The following LHFPL3 variants were observed in gnomAD, a reference collection of about 807,000 sequenced individuals.
LHFPL3 encodes the protein LHFPL tetraspan subfamily member 3, also known as LHFPL tetraspan subfamily member 3 protein.
Under a neutral mutation model 19.3 loss-of-function variants are expected in LHFPL3, and 5 were observed. The ratio of observed to expected loss-of-function variants is 0.26; its 90% CI spans 0.14 to 0.54. LHFPL3 has a LOEUF of 0.54. Among genes scored for constraint, LHFPL3 ranks in the 20% least tolerant of loss-of-function variants. The probability of loss-of-function intolerance (pLI) is 0.94; values close to 1 mark genes in which losing one functional copy is unlikely to be tolerated. For synonymous variants in LHFPL3, 133 were observed against 126.2 expected, an observed-to-expected ratio of 1.05 and a Z score of -0.36; for missense variants, 249 against 307.4, an observed-to-expected ratio of 0.81 and a Z score of 1.42.
At chr7:104,647,018 T>C (rs1441598064) in intron 1 of LHFPL3, among the ~76,000 whole-genome samples, 1 of 152,170 alleles carries the variant, frequency 6.6e-6, no homozygotes, top group African/African-American at 2.4e-5. Context: ...ATGTATCCCA[T>C]CCTATGCCCA....
chr7:104,476,043 A>G (rs1261832110), intron 1 of LHFPL3, among the ~76,000 whole-genome samples: 1 of 152,148 alleles, frequency 6.6e-6, no homozygotes, highest in Non-Finnish European at 1.5e-5. Context: ...GAACTTAGAG[A>G]AACTGGAGTA....
intron 1 of LHFPL3, among the ~76,000 whole-genome samples, chr7:104,526,460 A>G (rs966361854): frequency 3.3e-5 from 5 of 152,230 alleles, no homozygotes; most frequent in Non-Finnish European, 7.3e-5. Context: ...TGTAGTTACA[A>G]ATGGCAAATT....
At chr7:104,838,949 G>T (rs937521352) in intron 2 of LHFPL3, among the ~76,000 whole-genome samples, 1 of 152,180 alleles carries the variant, frequency 6.6e-6, no homozygotes, top group African/African-American at 2.4e-5. Context: ...AAACAATGCT[G>T]TAAGAGCCCA....
At chr7:104,438,487 T>C (rs1401407372) in intron 1 of LHFPL3, among the ~76,000 whole-genome samples, 20 of 152,242 alleles carry the variant, frequency 1.3e-4, no homozygotes, top group Non-Finnish European at 4.4e-5. Flanking sequence ...TTTATGAATT[T>C]TGTTATTGAG....
intron 1 of LHFPL3, among the ~76,000 whole-genome samples, chr7:104,390,318 C>G (rs1400421852): frequency 6.6e-6 from 1 of 151,918 alleles, no homozygotes; most frequent in African/African-American, 2.4e-5. Context: ...GGTATATCTC[C>G]TAATGCTATC....
intron 1 of LHFPL3, among the ~76,000 whole-genome samples, chr7:104,388,292 G>A (rs1435115769): frequency 6.6e-6 from 1 of 151,988 alleles, no homozygotes; most frequent in Non-Finnish European, 1.5e-5. Context: ...TATTCCTTTG[G>A]GTGTATACCC....
chr7:104,854,891 G>A lies in LHFPL3; in HGVS notation c.683-51296G>A, dbSNP rs535209429. On this transcript the variant is annotated intron_variant, in intron 2 of 2. Coordinates refer to ENST00000424859, the MANE Select transcript of LHFPL3 (RefSeq NM_199000.3). ...AAAAACTATATATAAAGTGAGGCCT[G>A]CAATGGCGTATAATTTCTCATAATT... Among the ~76,000 whole-genome samples, 13 of 152,292 alleles carry A rather than the reference G, an allele frequency of 8.5e-5. No individual in the cohort carries two copies. The South Asian group carries it at 2.5e-3, about 29-fold the overall frequency.
intron 1 of LHFPL3, among the ~76,000 whole-genome samples, chr7:104,615,052 G>C (rs891854472): frequency 2.6e-5 from 4 of 152,048 alleles, no homozygotes; most frequent in Admixed American, 6.6e-5. Flanking sequence ...ACTGTGCCTG[G>C]CCAAAGAACC....
In LHFPL3 at chr7:104,399,503, G is replaced by T. The variant is rs1196655220; in HGVS notation, c.445+70279G>T. On this transcript the variant is annotated intron_variant, in intron 1 of 2. Transcript: ENST00000424859. The surrounding 1 kb of genome is among the most constrained non-coding windows in gnomAD (Gnocchi z 4.4). ...GAGTCTTGCTCTGTTGCCCAGGCTG[G>T]CAGGCTGGAGTGCAGTGGCGCAGTC... is the stretch of plus-strand genomic sequence containing the variant. Among the ~76,000 whole-genome samples, 1 of 151,540 alleles carries T rather than the reference G, an allele frequency of 6.6e-6. No individual in the cohort carries two copies.
At chr7:104,752,872 T>C in intron 2 of LHFPL3, 1 of 359,232 alleles carries the variant, frequency 2.8e-6, no homozygotes, top group Non-Finnish European at 5.0e-6. Context: ...AGTTCCCACA[T>C]ACTCCCTTCT....
chr7:104,436,615 T>C (rs1048961486), intron 1 of LHFPL3, among the ~76,000 whole-genome samples: 1 of 152,242 alleles, frequency 6.6e-6, no homozygotes, highest in Admixed American at 6.5e-5. Flanking sequence ...AATGCATGCA[T>C]TTAATGAATC....
At chr7:104,700,073 C>G (rs529323103) in intron 1 of LHFPL3, among the ~76,000 whole-genome samples, 1 of 152,196 alleles carries the variant, frequency 6.6e-6, no homozygotes, top group African/African-American at 2.4e-5. Context: ...TCAGTGACCA[C>G]CCCTGGGAAG....
intron 2 of LHFPL3, among the ~76,000 whole-genome samples, chr7:104,881,243 T>A (rs148879442): frequency 6.6e-6 from 1 of 152,070 alleles, no homozygotes; most frequent in African/African-American, 2.4e-5. Flanking sequence ...CCCTAATGGA[T>A]CTCAGCAATG....
chr7:104,746,508 G>C (rs1794049880), intron 2 of LHFPL3, among the ~76,000 whole-genome samples: 1 of 152,208 alleles, frequency 6.6e-6, no homozygotes, highest in Non-Finnish European at 1.5e-5. Context: ...AATCTCACCA[G>C]TTTGTTTTAT....
intron 1 of LHFPL3, among the ~76,000 whole-genome samples, chr7:104,388,988 A>T (rs1244503699): frequency 6.6e-6 from 1 of 152,070 alleles, no homozygotes; most frequent in Non-Finnish European, 1.5e-5. Context: ...TTCAATTACC[A>T]CTCTTCAATA....
chr7:104,830,424 G>A (rs917422045), intron 2 of LHFPL3, among the ~76,000 whole-genome samples: 4 of 151,886 alleles, frequency 2.6e-5, no homozygotes, highest in African/African-American at 9.7e-5. Flanking sequence ...TGTCCTGAAT[G>A]GTATTGCCTA....
In LHFPL3 at chr7:104,835,596, T is replaced by G. The variant is rs548945551; in HGVS notation, c.683-70591T>G. ...GAACTTTGTTTTCTTTTTTTTTTTT[T>G]GAGATGAAGACATTTGTAATTTATT... On this transcript the variant is annotated intron_variant, in intron 2 of 2. Transcript: ENST00000424859. Among the ~76,000 whole-genome samples, 3 of 149,656 alleles carry G rather than the reference T, an allele frequency of 2.0e-5. No individual in the cohort carries two copies. In the East Asian group the frequency reaches 5.9e-4, roughly 29 times the overall value.
chr7:104,461,454 A>G (rs994245450), intron 1 of LHFPL3, among the ~76,000 whole-genome samples: 1 of 152,242 alleles, frequency 6.6e-6, no homozygotes, highest in Non-Finnish European at 1.5e-5. Context: ...CAATTATTGA[A>G]TAGTGAGTCC....
At chr7:104,753,873 T>C (rs771402881) in intron 2 of LHFPL3, among the ~76,000 whole-genome samples, 5 of 152,170 alleles carry the variant, frequency 3.3e-5, no homozygotes, top group Non-Finnish European at 7.4e-5. Flanking sequence ...GCTGGCAGAA[T>C]TTAGACAGGA....
Sources: allele counts gnomAD v4.1 joint callset (sites outside exome capture counted in the v4.1 genomes callset), GRCh38; gene constraint gnomAD v4.1.1; non-coding constraint Gnocchi (gnomAD v3.1); transcripts MANE v1.5; gene names NCBI Gene and HGNC (gene_info 2026-07-23, HGNC 2026-07-21).